The following PALM3 variants were observed in gnomAD, a reference collection of about 807,000 sequenced individuals.
PALM3 encodes the protein paralemmin 3, also known as paralemmin-3.
A neutral mutation model predicts 27.9 loss-of-function variants in PALM3; 20 were observed. That is an observed-to-expected ratio of 0.72 (90% CI 0.50 to 1.04). The LOEUF is 1.04. Ranked by LOEUF, PALM3 falls within the 50% of genes least tolerant of loss-of-function variation. The probability of loss-of-function intolerance (pLI) is 0.00; values close to 1 mark genes in which losing one functional copy is unlikely to be tolerated. For missense variants in PALM3, 814 were observed against 869.4 expected, an observed-to-expected ratio of 0.94 and a Z score of 0.80; for synonymous variants, 328 against 352.7, an observed-to-expected ratio of 0.93 and a Z score of 0.79.
At position 14,053,489 on chromosome 19, in the gene PALM3, T is replaced by A. The variant is rs781649042; in HGVS notation, c.*116A>T. 3.2e-6 allele frequency: 4 copies of A among 1,246,818 alleles called. No individual in the cohort carries two copies. The highest frequency in any genetic ancestry group is 1.5e-5 in the African/African-American group (1 of 65,532). 77.2% of individuals were successfully genotyped at this position (1,246,818 alleles called of 1,614,324 possible). Reference sequence around the variant, plus strand: ...TAGGTGGACGTGCAGGCTAGCTGGCTCCCAGGTGCCATGGCCAGTCCTGTG... The same window carrying A: ...TAGGTGGACGTGCAGGCTAGCTGGCACCCAGGTGCCATGGCCAGTCCTGTG... On this transcript the variant is annotated 3_prime_UTR_variant, in exon 7 of 7. Transcript: ENST00000669674.
Position 14,055,148 on chromosome 19 carries a change from C to T in PALM3, c.524G>A (p.Arg175Lys). Reference protein sequence around the residue: ...GTPPESPSEPREDVLGFLPGP... With the variant: ...GTPPESPSEPKEDVLGFLPGP... ...TGGCAGAAACCCCAAGACATCCTCC[C>T]TGGGCTCAGAGGGGGACTCTGGAGG... The change falls in exon 7 of 7, where the codon AGG becomes AAG. Residue 175 changes from arginine (R) to lysine (K), a missense_variant. By Grantham distance (26) the Arg-to-Lys change is conservative. Transcript: ENST00000669674. 1 of 1,549,450 alleles carries T rather than the reference C, an allele frequency of 6.5e-7. No individual in the cohort carries two copies. Among genetic ancestry groups the T allele is most frequent in the Non-Finnish European group, 8.7e-7 (1 of 1,146,686 alleles).
chr19:14,057,493 C>T, intron 2 of PALM3, 62 bp from the exon 3 acceptor site: 1 of 1,312,044 alleles, frequency 7.6e-7, no homozygotes, highest in Non-Finnish European at 1.0e-6. Flanking sequence ...CCTCCTCTTC[C>T]CTCCCTTTCC....
chr19:14,053,716 G>C lies in PALM3; in HGVS notation c.1956C>G (p.His652Gln), dbSNP rs932956377. The change falls in exon 7 of 7, where the codon CAC (histidine) becomes CAG (glutamine). Residue 652 changes from histidine (H) to glutamine (Q), a missense_variant. Physicochemically the swap from His to Gln is conservative, Grantham distance 24. Transcript: ENST00000669674. ...GGGCAGGCGCGTAGGTGGGCACAGGGTGGGCACTGGGGTTGGCGCTGGGCC... is the reference window on the plus strand; with the variant it reads ...GGGCAGGCGCGTAGGTGGGCACAGGCTGGGCACTGGGGTTGGCGCTGGGCC... ...GEGPSANPSA[H>Q]PVPTYAPARQ... The C allele has an allele frequency of 6.6e-7, 1 of 1,519,114 alleles. No individual in the cohort carries two copies. Among genetic ancestry groups the C allele is most frequent in the Admixed American group, 2.2e-5 (1 of 45,454 alleles). 94.1% of individuals were successfully genotyped at this position (1,519,114 alleles called of 1,614,324 possible).
chr19:14,057,585 G>A lies in PALM3; in HGVS notation c.91-154C>T, dbSNP rs1976331157. On this transcript the variant is annotated intron_variant, in intron 2 of 6. Coordinates refer to ENST00000669674, the MANE Select transcript of PALM3 (RefSeq NM_001145028.2). ...GGCGGGGGTGGCCCAGCGCGGGTCTGCACCCAGGGCGGGGAGGGGGCTGCG... is the reference window on the plus strand; with the variant it reads ...GGCGGGGGTGGCCCAGCGCGGGTCTACACCCAGGGCGGGGAGGGGGCTGCG... 20 of 356,854 alleles carry A rather than the reference G, an allele frequency of 5.6e-5. No homozygotes were observed. In the South Asian group the frequency reaches 1.0e-3, roughly 18 times the overall value. The allele number at this position is 356,854 out of a possible 1,614,324, so 22.1% of individuals were successfully genotyped here. A position where few individuals can be genotyped will look rare whatever the true frequency, so the allele number is the denominator to read the frequency against.
rs1381069155 is a variant in PALM3 at position 14,055,411 on chromosome 19, G to A, written c.414C>T (p.Leu138=). ...AACCTGCCTCGACAATGGACTGGGA[G>A]AGAGGACGGTGACCCTGCAGAGATG... ...PSWRRQGHRP[L]SQSIVEAGSV... is the part of the protein sequence containing the mutation. The change falls in exon 6 of 7, where the codon CTC becomes CTT. Residue 138 remains leucine, a synonymous_variant. Transcript: ENST00000669674. The A allele has an allele frequency of 2.6e-6, 4 of 1,551,628 alleles. No individual in the cohort carries two copies. The highest frequency in any genetic ancestry group is 3.5e-6 in the Non-Finnish European group (4 of 1,146,966).
In PALM3 at chr19:14,054,161, T is replaced by C. The variant is rs1263372352; in HGVS notation, c.1511A>G (p.Glu504Gly). ...EEEVEEPLGV[E>G]KKGGEEEPEA... ...TGGCTCTTCCTCACCTCCTTTCTTC[T>C]CTACTCCCAATGGTTCTTCTACCTC... Residue 504 changes from glutamate (E) to glycine (G), a missense_variant, in exon 7 of 7, where the codon GAG (glutamate) becomes GGG (glycine). Transcript: ENST00000669674. The C allele has an allele frequency of 2.9e-5, 45 of 1,551,642 alleles. No individual in the cohort carries two copies. The highest frequency in any genetic ancestry group is 3.9e-5 in the Non-Finnish European group (45 of 1,147,042).
In PALM3 at chr19:14,055,242, G is replaced by A; in HGVS notation, c.446-16C>T. The A allele has an allele frequency of 7.1e-7, 1 of 1,412,552 alleles. No individual in the cohort carries two copies. Among genetic ancestry groups the A allele is most frequent in the Non-Finnish European group, 9.2e-7 (1 of 1,087,024 alleles). The allele number at this position is 1,412,552 out of a possible 1,614,324, so 87.5% of individuals were successfully genotyped here. On this transcript the variant is annotated splice_polypyrimidine_tract_variant and intron_variant, in intron 6 of 6. Coordinates refer to ENST00000669674, the MANE Select transcript of PALM3 (RefSeq NM_001145028.2). ...TCAGTCTGGCCTGGGGGAGTCAGAG[G>A]TGGAGGGGAGAGGACAAAAGGGAAG...
chr19:14,055,279 A>C, intron 6 of PALM3, 53 bp from the exon 7 acceptor site: 1 of 1,526,278 alleles, frequency 6.6e-7, no homozygotes, highest in Non-Finnish European at 8.8e-7. Flanking sequence ...CAGGGTTAAG[A>C]TGGAACAAAA....
intron 5 of PALM3, among the ~76,000 whole-genome samples, chr19:14,055,759 T>A (rs1976293419): frequency 6.6e-6 from 1 of 150,878 alleles, no homozygotes; most frequent in African/African-American, 2.4e-5. Flanking sequence ...TACAAATTAA[T>A]TTTTTTTTTG....
At chr19:14,061,012 C>T (rs1207658100) in intron 1 of PALM3, among the ~76,000 whole-genome samples, 2 of 152,202 alleles carry the variant, frequency 1.3e-5, no homozygotes, top group South Asian at 2.1e-4. Context: ...CTGCCCGCCT[C>T]GGCCTCCCAA....
chr19:14,056,381 G>A (rs943898769), intron 5 of PALM3, 48 bp downstream of exon 5: 67 of 1,484,724 alleles, frequency 4.5e-5, no homozygotes, highest in Non-Finnish European at 5.8e-5. Flanking sequence ...CTGCCTTGAG[G>A]CCTGCTGGCC....
At position 14,061,923 on chromosome 19, in the gene PALM3, A is replaced by AC. The variant is rs1255065177; in HGVS notation, c.41+16dup. 1.3e-5 allele frequency: 13 copies of AC among 979,622 alleles called. No homozygotes were observed. The South Asian group carries it at 2.4e-4, about 18-fold the overall frequency. The allele number at this position is 979,622 out of a possible 1,614,324, so 60.7% of individuals were successfully genotyped here. Reference sequence around the variant, plus strand: ...AAGGCCCTGCCCACCAGCCCCCCTGACCCCCCAGACACTTACATGGGTGTG... The same window carrying AC: ...AAGGCCCTGCCCACCAGCCCCCCTGACCCCCCCAGACACTTACATGGGTGTG... On this transcript the variant is annotated intron_variant, in intron 1 of 6. Transcript: ENST00000669674.
chr19:14,056,419 C>T lies in PALM3; in HGVS notation c.399+10G>A, dbSNP rs947229108. The T allele has an allele frequency of 1.2e-5, 19 of 1,546,150 alleles. No individual in the cohort carries two copies. The African/African-American group carries it at 2.3e-4, about 19-fold the overall frequency. On this transcript the variant is annotated intron_variant, in intron 5 of 6. Transcript: ENST00000669674. ...GCCCTCCCATCCCACTCCCCTGATT[C>T]CCCCCTCACCTGTCTGCGCCAGCTG...
intron 3 of PALM3, 79 bp downstream of exon 3, chr19:14,057,272 A>T: frequency 1.6e-6 from 1 of 611,744 alleles, no homozygotes; most frequent in African/African-American, 2.4e-5. Context: ...AGAGGCTCCT[A>T]TCGTCCCCCA....
In PALM3 at chr19:14,055,364, G is replaced by T. The variant is rs1463403762; in HGVS notation, c.445+16C>A. Reference sequence around the variant, plus strand: ...GGGGTGACCTGACCCCCAGACCTAGGGGCTCCCACACTTACCTACAGAACC... The same window carrying T: ...GGGGTGACCTGACCCCCAGACCTAGTGGCTCCCACACTTACCTACAGAACC... On this transcript the variant is annotated intron_variant, in intron 6 of 6. Transcript: ENST00000669674. The T allele has an allele frequency of 4.5e-6, 7 of 1,549,432 alleles. No homozygotes were observed. The highest frequency in any genetic ancestry group is 6.1e-6 in the Non-Finnish European group (7 of 1,146,694).
intron 2 of PALM3, 31 bp downstream of exon 2, chr19:14,059,084 G>C: frequency 6.9e-7 from 1 of 1,451,232 alleles, no homozygotes; most frequent in Middle Eastern, 1.9e-4. Flanking sequence ...AAGTTTGGGG[G>C]TGCCCAGGGC....
chr19:14,061,971 G>A lies in PALM3; in HGVS notation c.10C>T (p.Gln4Ter). Reference sequence around the variant, plus strand: ...GTGGCCAGAGACCACACCTGGCTCTGCAGGGCCATCTCTGCCCAGAAGTTC... The same window carrying A: ...GTGGCCAGAGACCACACCTGGCTCTACAGGGCCATCTCTGCCCAGAAGTTC... MAL[Q>*]SQVWSLATPM... The change falls in exon 1 of 7, where the codon CAG becomes TAG. Residue 4 changes from glutamine (Q) to a stop codon, truncating the protein, a stop_gained. Transcript: ENST00000669674. LOFTEE classifies it high-confidence loss of function. 1 of 985,358 alleles carries A rather than the reference G, an allele frequency of 1.0e-6. No homozygotes were observed. The highest frequency in any genetic ancestry group is 1.2e-6 in the Non-Finnish European group (1 of 829,892). The allele number at this position is 985,358 out of a possible 1,614,324, so 61.0% of individuals were successfully genotyped here. A position where few individuals can be genotyped will look rare whatever the true frequency, so the allele number is the denominator to read the frequency against.
At position 14,053,928 on chromosome 19, in the gene PALM3, C is replaced by T. The variant is rs2145700577; in HGVS notation, c.1744G>A (p.Glu582Lys). The change falls in exon 7 of 7, where the codon GAG becomes AAG. Residue 582 changes from glutamate (E) to lysine (K), a missense_variant. Physicochemically the swap from Glu to Lys is moderately conservative, Grantham distance 56. Coordinates refer to ENST00000669674, the MANE Select transcript of PALM3 (RefSeq NM_001145028.2). ...GGTCCTTCCTTCTCTGGCCTTGTCT[C>T]CGTGTTAGCCTCAAGGGGAGGCCCT... ...EAGPPLEANT[E>K]TRPEKEGPQP... 1 of 1,551,648 alleles carries T rather than the reference C, an allele frequency of 6.4e-7. No homozygotes were observed. Among genetic ancestry groups the T allele is most frequent in the South Asian group, 1.2e-5 (1 of 84,058 alleles).
At chr19:14,059,051 A>AGACG in intron 2 of PALM3, 64 bp downstream of exon 2, 1 of 1,400,618 alleles carries the variant, frequency 7.1e-7, no homozygotes. Flanking sequence ...GATGACGGAG[A>AGACG]GACGAGAAGG....
Sources: gnomAD v4.1 joint callset for allele counts (sites outside exome capture counted in the v4.1 genomes callset) on GRCh38, gnomAD v4.1.1 for gene constraint, MANE v1.5 for transcripts, NCBI Gene and HGNC (gene_info 2026-07-23, HGNC 2026-07-21) for gene names.